The following SCMH1 variants were observed in gnomAD, a reference collection of about 807,000 sequenced individuals.
SCMH1 encodes the protein Scm polycomb group protein homolog 1, also known as polycomb protein SCMH1.
SCMH1 carries 37 observed loss-of-function variants against 70.8 expected under a neutral mutation model. That is an observed-to-expected ratio of 0.52 (90% CI 0.40 to 0.69). The LOEUF is 0.69. Ranked by LOEUF, SCMH1 falls within the 30% of genes least tolerant of loss-of-function variation. The pLI is 0.00. For missense variants in SCMH1, 607 were observed against 827.3 expected, an observed-to-expected ratio of 0.73 and a Z score of 3.27; for synonymous variants, 292 against 307.4, an observed-to-expected ratio of 0.95 and a Z score of 0.52.
chr1:41,209,325 C>T (rs1387604202), intron 1 of SCMH1, among the ~76,000 whole-genome samples: 3 of 152,126 alleles, frequency 2.0e-5, no homozygotes, highest in Admixed American at 2.0e-4. Flanking sequence ...GAAACTATTC[C>T]AAGCAATAAA....
In SCMH1 at chr1:41,113,351, G is replaced by A; in HGVS notation, c.677C>T (p.Ser226Phe). The change falls in exon 8 of 15, where the codon TCC becomes TTC. Residue 226 changes from serine (S) to phenylalanine (F), a missense_variant. Coordinates refer to ENST00000337495, the Ensembl canonical transcript of SCMH1. This position sits in a 1 kb window ranked among gnomAD's most constrained non-coding sequence, Gnocchi z 4.3. ...CCAGCCCACAGGGAAGATGTCTCGG[G>A]AGTCGAAGCGGCACCAGTAGTCAAA... The A allele has an allele frequency of 6.2e-7, 1 of 1,614,002 alleles. No homozygotes were observed. Among genetic ancestry groups the A allele is most frequent in the Non-Finnish European group, 8.5e-7 (1 of 1,179,976 alleles).
At chr1:41,065,451 C>T (rs1180916502) in intron 10 of SCMH1, among the ~76,000 whole-genome samples, 2 of 152,226 alleles carry the variant, frequency 1.3e-5, no homozygotes, top group African/African-American at 4.8e-5. Context: ...GCCTGGGCAA[C>T]AGAGTGCACT....
In SCMH1 at chr1:41,049,537, T is replaced by C. The variant is rs1007566430; in HGVS notation, c.1106-647A>G. On this transcript the variant is annotated intron_variant, in intron 10 of 14. Transcript: ENST00000337495. ...CTGTAATCCCAGCACTTTGGGAGGC[T>C]GAGGCAGGTGGATCACGAGGTCAGG... 3.7e-4 allele frequency among the ~76,000 whole-genome samples: 56 copies of C among 151,182 alleles called. 2 individuals are homozygous for C.
At chr1:41,175,776 T>C (rs1042520495) in intron 2 of SCMH1, among the ~76,000 whole-genome samples, 1 of 152,152 alleles carries the variant, frequency 6.6e-6, no homozygotes, top group African/African-American at 2.4e-5. Flanking sequence ...GTGTTTGCCT[T>C]CTCTCCTGGT....
rs1268871833 is a variant in SCMH1, at chr1:41,194,409, A to G, written c.-117-8159T>C. 2.6e-5 allele frequency among the ~76,000 whole-genome samples: 4 copies of G among 152,240 alleles called. No individual in the cohort carries two copies. In the East Asian group the frequency reaches 7.7e-4, roughly 29 times the overall value. ...AGTACGATGTAGAAATCTAAAAGCGAAAGATAGAAAAAAATAGAAATATGA... is the reference window on the plus strand; with the variant it reads ...AGTACGATGTAGAAATCTAAAAGCGGAAGATAGAAAAAAATAGAAATATGA... On this transcript the variant is annotated intron_variant, in intron 1 of 14. Transcript: ENST00000337495.
chr1:41,087,724 A>G (rs953860199), intron 8 of SCMH1, among the ~76,000 whole-genome samples: 1 of 152,180 alleles, frequency 6.6e-6, no homozygotes, highest in Admixed American at 6.6e-5. Flanking sequence ...AACTGGTAGC[A>G]TCTCTGTGGA....
chr1:41,125,771 C>T (rs1379588108), intron 6 of SCMH1, among the ~76,000 whole-genome samples: 1 of 142,238 alleles, frequency 7.0e-6, no homozygotes, highest in African/African-American at 2.6e-5. Flanking sequence ...AGATGGGGGT[C>T]TTGCCATGTT....
At chr1:41,188,384 C>T (rs1192074296) in intron 1 of SCMH1, among the ~76,000 whole-genome samples, 1 of 152,184 alleles carries the variant, frequency 6.6e-6, no homozygotes, top group African/African-American at 2.4e-5. Flanking sequence ...CAGCCTCAGC[C>T]TCTCAAAATT....
chr1:41,181,623 A>C (rs1485658559), intron 2 of SCMH1, among the ~76,000 whole-genome samples: 1 of 152,228 alleles, frequency 6.6e-6, no homozygotes, highest in Admixed American at 6.5e-5. Context: ...GGCCATCAGA[A>C]AAATGCAAAT....
chr1:41,181,661 A>C (rs143249643), intron 2 of SCMH1, among the ~76,000 whole-genome samples: 1,959 of 152,332 alleles, frequency 0.013, 41 homozygotes, highest in African/African-American at 0.045. Context: ...ACCATCTCAC[A>C]CCAGTTAGAA....
rs1353536247 is a variant in SCMH1, at chr1:41,151,473, G to C, written c.177+141C>G. On this transcript the variant is annotated intron_variant, in intron 5 of 14. Transcript: ENST00000337495. ...TCACAGTGACCAAATTTTACTTCTT[G>C]AGCTGTGTTCTTCCCATAGAAGTTT... is the stretch of plus-strand genomic sequence containing the variant. The C allele has an allele frequency of 5.7e-6, 3 of 525,868 alleles. No homozygotes were observed. The African/African-American group carries it at 5.8e-5, about 10-fold the overall frequency. The allele number at this position is 525,868 out of a possible 1,614,324, so 32.6% of individuals were successfully genotyped here.
chr1:41,119,038 T>C (rs1671235431), intron 6 of SCMH1, among the ~76,000 whole-genome samples: 1 of 152,172 alleles, frequency 6.6e-6, no homozygotes, highest in Non-Finnish European at 1.5e-5. Context: ...GTACAATTTA[T>C]TTGAAGTTAA....
chr1:41,046,825 G>T (rs74071129), intron 11 of SCMH1, among the ~76,000 whole-genome samples: 2,035 of 152,324 alleles, frequency 0.013, 45 homozygotes, highest in African/African-American at 0.047. Flanking sequence ...GGCCAGGTCT[G>T]TTGCACCCTG....
chr1:41,130,901 G>A (rs1674520386), intron 6 of SCMH1, among the ~76,000 whole-genome samples: 1 of 152,062 alleles, frequency 6.6e-6, no homozygotes, highest in African/African-American at 2.4e-5. Flanking sequence ...TCTTGATGAT[G>A]AAGCTTTTTA....
At chr1:41,110,900 C>G (rs1054971603) in intron 8 of SCMH1, among the ~76,000 whole-genome samples, 1 of 152,306 alleles carries the variant, frequency 6.6e-6, no homozygotes, top group East Asian at 1.9e-4. Context: ...TCCAATCTCA[C>G]CAGCAATGAT....
intron 1 of SCMH1, among the ~76,000 whole-genome samples, chr1:41,193,977 T>C (rs528086311): frequency 6.6e-5 from 10 of 152,354 alleles, no homozygotes; most frequent in Non-Finnish European, 7.3e-5. Context: ...ACATGTCTAC[T>C]AAATTCTGAT....
chr1:41,227,127 T>C (rs1242760932), intron 1 of SCMH1, among the ~76,000 whole-genome samples: 1 of 152,246 alleles, frequency 6.6e-6, no homozygotes, highest in Non-Finnish European at 1.5e-5. Context: ...ACATTTTCCC[T>C]TGTGGTCTAC....
intron 6 of SCMH1, among the ~76,000 whole-genome samples, chr1:41,126,758 T>C (rs1673275312): frequency 6.6e-6 from 1 of 152,208 alleles, no homozygotes; most frequent in African/African-American, 2.4e-5. Flanking sequence ...TATGGTTGAA[T>C]GGTACTTCAT....
intron 8 of SCMH1, among the ~76,000 whole-genome samples, chr1:41,091,391 T>C (rs1663447395): frequency 6.6e-6 from 1 of 152,162 alleles, no homozygotes; most frequent in Non-Finnish European, 1.5e-5. Flanking sequence ...TATCTCAAAA[T>C]AATAAGAGTT....
Sources: allele counts gnomAD v4.1 joint callset (sites outside exome capture counted in the v4.1 genomes callset), GRCh38; gene constraint gnomAD v4.1.1; non-coding constraint Gnocchi (gnomAD v3.1); transcripts MANE v1.5; gene names NCBI Gene and HGNC (gene_info 2026-07-23, HGNC 2026-07-21).